SLC17A4: variants seen among roughly 807,000 people sequenced by gnomAD.
SLC17A4 encodes the protein solute carrier family 17 member 4.
SLC17A4 carries 33 observed loss-of-function variants against 52.5 expected under a neutral mutation model. The observed-to-expected ratio is 0.63, with a 90% confidence interval of 0.48 to 0.84. SLC17A4 has a LOEUF of 0.84. SLC17A4 is among the 40% of genes least tolerant of loss of function. SLC17A4 has a pLI of 0.00. For missense variants in SLC17A4, 585 were observed against 597.1 expected, an observed-to-expected ratio of 0.98 and a Z score of 0.21; for synonymous variants, 225 against 216.2, an observed-to-expected ratio of 1.04 and a Z score of -0.36.
At chr6:25,771,855 G>T (rs750295569) in intron 6 of SLC17A4, among the ~76,000 whole-genome samples, 4 of 152,160 alleles carry the variant, frequency 2.6e-5, no homozygotes, top group African/African-American at 4.8e-5. Context: ...CTGCAGAAAG[G>T]TTCCAAAGAC....
intron 2 of SLC17A4, among the ~76,000 whole-genome samples, chr6:25,766,760 G>A (rs1762059931): frequency 1.3e-5 from 2 of 152,152 alleles, no homozygotes; most frequent in East Asian, 1.9e-4. Context: ...TGACTGGTGC[G>A]TTTCAAAACT....
At position 25,770,378 on chromosome 6, in the gene SLC17A4, C is replaced by T; in HGVS notation, c.532-6C>T. ...AGATCTCCAAGAATGGAATTTTTCCCCCCAGGTTATGGTATTAACTGGTCA... is the reference window on the plus strand; with the variant it reads ...AGATCTCCAAGAATGGAATTTTTCCTCCCAGGTTATGGTATTAACTGGTCA... On this transcript the variant is annotated splice_polypyrimidine_tract_variant and splice_region_variant and intron_variant, in intron 4 of 11. Transcript: ENST00000377905. 2 of 1,614,026 alleles carry T rather than the reference C, an allele frequency of 1.2e-6. No individual in the cohort carries two copies. The highest frequency in any genetic ancestry group is 1.7e-6 in the Non-Finnish European group (2 of 1,179,922).
At chr6:25,763,410 T>C (rs1191961505) in intron 2 of SLC17A4, among the ~76,000 whole-genome samples, 2 of 152,256 alleles carry the variant, frequency 1.3e-5, no homozygotes, top group African/African-American at 4.8e-5. Flanking sequence ...TTCTCACAAA[T>C]GCTTAGGAAT....
In SLC17A4 at chr6:25,777,931, C is replaced by T; in HGVS notation, c.1274C>T (p.Thr425Ile). 1.9e-6 allele frequency: 3 copies of T among 1,612,782 alleles called. No individual in the cohort carries two copies. Among genetic ancestry groups the T allele is most frequent in the Non-Finnish European group, 2.5e-6 (3 of 1,179,218 alleles). ...VNFLDIAPRYTGFLKGLLQVF... is the reference protein window; with the variant it reads ...VNFLDIAPRYIGFLKGLLQVF... ...GTACCATCTCTCTCTCTCAGGTACA[C>T]TGGCTTTCTCAAAGGACTATTGCAA... is the stretch of plus-strand genomic sequence containing the variant. Residue 425 changes from threonine to isoleucine, a missense_variant, in exon 11 of 12, where the codon ACT (threonine) becomes ATT (isoleucine). By Grantham distance (89) the Thr-to-Ile change is moderately conservative. Coordinates refer to ENST00000377905, the MANE Select transcript of SLC17A4 (RefSeq NM_005495.3).
In SLC17A4 at chr6:25,760,773, A is replaced by AT. The variant is rs539549978; in HGVS notation, c.-36-1146dup. On this transcript the variant is annotated intron_variant, in intron 1 of 11. Coordinates refer to ENST00000377905, the MANE Select transcript of SLC17A4 (RefSeq NM_005495.3). ...ACTTAGTTTCAAATTTTAATGCCTA[A>AT]TTTTTTTTGTATTTCAAGTAGTATC... Among the ~76,000 whole-genome samples the AT allele has an allele frequency of 5.7e-4, 86 of 151,946 alleles. 1 individual carries two copies. Among genetic ancestry groups the AT allele is most frequent in the South Asian group, 3.7e-3 (18 of 4,808 alleles).
rs750204498 is a variant in SLC17A4, at chr6:25,773,409, C to T, written c.825+16C>T. 2 of 1,612,252 alleles carry T rather than the reference C, an allele frequency of 1.2e-6. No individual in the cohort carries two copies. The highest frequency in any genetic ancestry group is 2.2e-5 in the South Asian group (2 of 91,020). On this transcript the variant is annotated intron_variant, in intron 7 of 11. Transcript: ENST00000377905. ...GGCTCAGCAGGTACATTGAGGAACT[C>T]CTCTGACATTTCTCTATGTCCCTCT...
At chr6:25,756,037 A>G (rs984219159) in intron 1 of SLC17A4, among the ~76,000 whole-genome samples, 8 of 152,172 alleles carry the variant, frequency 5.3e-5, no homozygotes, top group Admixed American at 2.0e-4. Context: ...CAACACTTGT[A>G]CAGGTGAAGA....
intron 2 of SLC17A4, 39 bp from the exon 3 acceptor site, chr6:25,768,946 G>A (rs1436569161): frequency 6.3e-7 from 1 of 1,582,034 alleles, no homozygotes; most frequent in Non-Finnish European, 8.7e-7. Context: ...TGGGAGAAAA[G>A]CATTCTGATT....
chr6:25,770,815 T>A (rs916818267), intron 5 of SLC17A4, 111 bp from the exon 6 acceptor site: 1 of 819,722 alleles, frequency 1.2e-6, no homozygotes, highest in Non-Finnish European at 2.1e-6. Context: ...ACCTAGATAG[T>A]TTGGCTTGAA....
chr6:25,777,036 G>A, intron 10 of SLC17A4, 77 bp downstream of exon 10: 1 of 1,471,938 alleles, frequency 6.8e-7, no homozygotes. Context: ...TGATGTGAAA[G>A]TAAAATGTGG....
chr6:25,770,149 C>G lies in SLC17A4; in HGVS notation c.380C>G (p.Pro127Arg). Residue 127 changes from proline (P) to arginine (R), a missense_variant, in exon 4 of 12, where the codon CCC becomes CGC. Transcript: ENST00000377905. ...LNYGSFLAPI[P>R]SGYVAGIFGA... The stretch of plus-strand genomic sequence containing the variant: ...TATGGCTCATTCTTGGCTCCAATCC[C>G]CAGTGGCTATGTGGCTGGAATATTT... 6.2e-7 allele frequency: 1 copy of G among 1,614,058 alleles called. No individual in the cohort carries two copies. The highest frequency in any genetic ancestry group is 8.5e-7 in the Non-Finnish European group (1 of 1,179,976).
chr6:25,762,123 A>G (rs1031462367), intron 2 of SLC17A4, 70 bp downstream of exon 2: 1 of 1,361,338 alleles, frequency 7.3e-7, no homozygotes, highest in African/African-American at 1.4e-5. Context: ...TGTGGTACTA[A>G]ATAAAACTAG....
intron 6 of SLC17A4, among the ~76,000 whole-genome samples, chr6:25,772,530 A>G (rs982412288): frequency 2.0e-5 from 3 of 152,230 alleles, no homozygotes; most frequent in African/African-American, 7.2e-5. Flanking sequence ...AAGATGGGCC[A>G]TATTTCCACT....
At chr6:25,767,699 A>G (rs766418117) in intron 2 of SLC17A4, among the ~76,000 whole-genome samples, 22 of 152,230 alleles carry the variant, frequency 1.4e-4, no homozygotes, top group Non-Finnish European at 2.6e-4. Context: ...CAGTCTCAGT[A>G]AATGCAAATA....
chr6:25,766,599 TAAGAA>T (rs1228157865), intron 2 of SLC17A4, among the ~76,000 whole-genome samples: 1 of 152,166 alleles, frequency 6.6e-6, no homozygotes, highest in Non-Finnish European at 1.5e-5. Context: ...AACTCAACAG[TAAGAA>T]GTCTTGTTGA....
chr6:25,774,222 G>GTA (rs1480053804), intron 8 of SLC17A4, among the ~76,000 whole-genome samples: 2 of 152,168 alleles, frequency 1.3e-5, no homozygotes, highest in African/African-American at 4.8e-5. Flanking sequence ...AGAAAAGTGT[G>GTA]TATATGTGTA....
rs747576385 is a variant in SLC17A4 at position 25,773,621 on chromosome 6, A to G, written c.934A>G (p.Met312Val). 4.3e-6 allele frequency: 7 copies of G among 1,613,930 alleles called. 2 individuals carry two copies. The South Asian group carries it at 7.7e-5, about 18-fold the overall frequency. ...FCEYWLFYTIMAYTPTYISSV... is the reference protein window; with the variant it reads ...FCEYWLFYTIVAYTPTYISSV... ...TGAATACTGGCTTTTTTATACCATTATGGCGTACACACCAACGTACATCAG... is the reference window on the plus strand; with the variant it reads ...TGAATACTGGCTTTTTTATACCATTGTGGCGTACACACCAACGTACATCAG... The change falls in exon 8 of 12, where the codon ATG becomes GTG. Residue 312 changes from methionine (M) to valine (V), a missense_variant. By Grantham distance (21) the Met-to-Val change is conservative. Coordinates refer to ENST00000377905, the MANE Select transcript of SLC17A4 (RefSeq NM_005495.3).
At chr6:25,766,669 C>G (rs1038881525) in intron 2 of SLC17A4, among the ~76,000 whole-genome samples, 1 of 152,142 alleles carries the variant, frequency 6.6e-6, no homozygotes, top group African/African-American at 2.4e-5. Flanking sequence ...CATGGCCTTC[C>G]TCTCAAAAAC....
chr6:25,779,295 T>C lies in SLC17A4; in HGVS notation c.*107T>C. ...GACTGATAAGCCATTAGCTAGACCC[T>C]GACTATGTAACGCTAAAGATTTTAC... On this transcript the variant is annotated 3_prime_UTR_variant, in exon 12 of 12. Coordinates refer to ENST00000377905, the MANE Select transcript of SLC17A4 (RefSeq NM_005495.3). The C allele has an allele frequency of 6.8e-7, 1 of 1,469,296 alleles. No individual in the cohort carries two copies. The highest frequency in any genetic ancestry group is 9.2e-7 in the Non-Finnish European group (1 of 1,084,962). The allele number at this position is 1,469,296 out of a possible 1,614,324, so 91.0% of individuals were successfully genotyped here.
Sources: gnomAD v4.1 joint callset for allele counts (sites outside exome capture counted in the v4.1 genomes callset) on GRCh38, gnomAD v4.1.1 for gene constraint, MANE v1.5 for transcripts, NCBI Gene and HGNC (gene_info 2026-07-23, HGNC 2026-07-21) for gene names.